Variants in SPECC1 observed in about 807,000 individuals in gnomAD.
SPECC1 encodes cytospin-B.
SPECC1 carries 62 observed loss-of-function variants against 104.1 expected under a neutral mutation model. The ratio of observed to expected loss-of-function variants is 0.60; its 90% confidence interval spans 0.49 to 0.74. The LOEUF (loss-of-function observed/expected upper bound fraction) is 0.74. Among genes scored for constraint, SPECC1 ranks in the 30% least tolerant of loss-of-function variants. SPECC1 has a pLI of 0.00. For synonymous variants in SPECC1, 513 were observed against 501.6 expected, an observed-to-expected ratio of 1.02 and a Z score of -0.30; for missense variants, 1,306 against 1,310.5, an observed-to-expected ratio of 1.00 and a Z score of 0.05.
At chr17:20,209,540 T>C (rs577681189) in intron 4 of SPECC1, among the ~76,000 whole-genome samples, 1 of 122,162 alleles carries the variant, frequency 8.2e-6, no homozygotes, top group African/African-American at 3.7e-5. Flanking sequence ...CTACACTATC[T>C]TGTAGGCTTT....
At chr17:20,186,417 T>TG (rs1368108304) in intron 3 of SPECC1, among the ~76,000 whole-genome samples, 6 of 152,238 alleles carry the variant, frequency 3.9e-5, no homozygotes, top group Admixed American at 3.9e-4. Context: ...CTGATAGACT[T>TG]GCTCGATGCA....
intron 3 of SPECC1, among the ~76,000 whole-genome samples, chr17:20,170,670 T>C (rs1318575514): frequency 1.3e-5 from 2 of 152,156 alleles, no homozygotes; most frequent in Admixed American, 6.5e-5. Context: ...TCATTCTTTC[T>C]CTGTTATTTT....
At chr17:20,200,353 A>T (rs1236195026) in intron 3 of SPECC1, among the ~76,000 whole-genome samples, 1 of 152,198 alleles carries the variant, frequency 6.6e-6, no homozygotes, top group Non-Finnish European at 1.5e-5. Flanking sequence ...ATTGGCATTT[A>T]AAAAATGTCA....
intron 1 of SPECC1, among the ~76,000 whole-genome samples, chr17:20,012,325 C>T (rs115268693): frequency 3.4e-3 from 520 of 151,942 alleles, no homozygotes; most frequent in African/African-American, 0.012. Context: ...CTCTGTTTGA[C>T]CTGTTGATAT....
At chr17:20,075,963 A>G (rs1485475377) in intron 1 of SPECC1, among the ~76,000 whole-genome samples, 1 of 152,046 alleles carries the variant, frequency 6.6e-6, no homozygotes, top group Non-Finnish European at 1.5e-5. Flanking sequence ...CTAAAAATTA[A>G]AATAAGTAAA....
chr17:20,277,321 T>C (rs928099971), intron 12 of SPECC1, among the ~76,000 whole-genome samples: 6 of 152,180 alleles, frequency 3.9e-5, no homozygotes, highest in Non-Finnish European at 8.8e-5. Flanking sequence ...CTGGAAACTC[T>C]CCAACCTAAT....
chr17:20,170,526 AG>A (rs995767126), intron 3 of SPECC1, among the ~76,000 whole-genome samples: 1 of 152,288 alleles, frequency 6.6e-6, no homozygotes, highest in East Asian at 1.9e-4. Context: ...TGGAACTCCC[AG>A]GGGGGTGCAG....
chr17:20,064,486 A>T (rs2046295960), intron 1 of SPECC1, among the ~76,000 whole-genome samples: 1 of 152,194 alleles, frequency 6.6e-6, no homozygotes, highest in African/African-American at 2.4e-5. Flanking sequence ...ACAGCCTGGG[A>T]GGGAAGCACA....
chr17:20,193,421 C>T (rs2035804075), intron 3 of SPECC1, among the ~76,000 whole-genome samples: 1 of 152,156 alleles, frequency 6.6e-6, no homozygotes, highest in African/African-American at 2.4e-5. Flanking sequence ...CTGACATTTC[C>T]CCCCTCCCTT....
chr17:20,231,217 C>T (rs2038553129), intron 5 of SPECC1, among the ~76,000 whole-genome samples: 1 of 152,184 alleles, frequency 6.6e-6, no homozygotes, highest in Non-Finnish European at 1.5e-5. Context: ...GATTCTGCCT[C>T]CAGGTGTCTG....
chr17:20,190,007 G>A (rs2035553263), intron 3 of SPECC1, among the ~76,000 whole-genome samples: 1 of 151,908 alleles, frequency 6.6e-6, no homozygotes, highest in Non-Finnish European at 1.5e-5. Context: ...CATTTGATTT[G>A]CAAAGACAAT....
At chr17:20,086,622 T>C (rs1307312141) in intron 1 of SPECC1, among the ~76,000 whole-genome samples, 2 of 152,142 alleles carry the variant, frequency 1.3e-5, no homozygotes, top group Admixed American at 1.3e-4. Flanking sequence ...GGCTCCTCCT[T>C]GATTTTATCT....
intron 1 of SPECC1, among the ~76,000 whole-genome samples, chr17:20,093,235 C>T (rs1400760929): frequency 1.3e-5 from 2 of 152,184 alleles, no homozygotes; most frequent in Admixed American, 6.5e-5. Flanking sequence ...CTGTCTGGTT[C>T]ATAGATGGAG....
At chr17:20,265,739 A>C (rs1213861333) in intron 12 of SPECC1, among the ~76,000 whole-genome samples, 1 of 152,220 alleles carries the variant, frequency 6.6e-6, no homozygotes, top group East Asian at 1.9e-4. Flanking sequence ...TTATATTTAA[A>C]TCTGTAATCC....
At chr17:20,130,999 G>A (rs1467639763) in intron 3 of SPECC1, among the ~76,000 whole-genome samples, 2 of 152,166 alleles carry the variant, frequency 1.3e-5, no homozygotes, top group Non-Finnish European at 2.9e-5. Flanking sequence ...AAATGATACT[G>A]TATTTTTAAT....
At chr17:20,012,575 A>G (rs1367413647) in intron 1 of SPECC1, among the ~76,000 whole-genome samples, 2 of 150,956 alleles carry the variant, frequency 1.3e-5, no homozygotes, top group East Asian at 3.9e-4. Flanking sequence ...GTTAGCATTT[A>G]TATGGAATAT....
At chr17:20,262,750 C>A (rs1312825548) in intron 12 of SPECC1, among the ~76,000 whole-genome samples, 2 of 152,128 alleles carry the variant, frequency 1.3e-5, no homozygotes. Context: ...CAAGATCCAT[C>A]CCAGATAGTA....
chr17:20,009,547 GC>G lies in SPECC1; in HGVS notation c.-22+125del, dbSNP rs1311665615. The stretch of plus-strand genomic sequence containing the variant: ...CAGTCCGTCGTGGGGGCACGGGACT[GC>G]CTTTCTGGGAAGGCGTGCTGCGTCT... On this transcript the variant is annotated intron_variant, in intron 1 of 14. Transcript: ENST00000395527. The surrounding 1 kb of genome is among the most constrained non-coding windows in gnomAD (Gnocchi z 5.2). 1 of 152,402 alleles carries G rather than the reference GC, an allele frequency of 6.6e-6. No homozygotes were observed. Among genetic ancestry groups the G allele is most frequent in the Admixed American group, 6.5e-5 (1 of 15,278 alleles). 9.4% of individuals were successfully genotyped at this position (152,402 alleles called of 1,614,324 possible).
chr17:20,235,821 G>A (rs2038876950), intron 7 of SPECC1, among the ~76,000 whole-genome samples: 1 of 152,232 alleles, frequency 6.6e-6, no homozygotes, highest in Admixed American at 6.5e-5. Flanking sequence ...TAGAATGTCT[G>A]TGATTCGAAT....
Sources: allele counts gnomAD v4.1 joint callset (sites outside exome capture counted in the v4.1 genomes callset), GRCh38; gene constraint gnomAD v4.1.1; non-coding constraint Gnocchi (gnomAD v3.1); transcripts MANE v1.5; gene names NCBI Gene and HGNC (gene_info 2026-07-23, HGNC 2026-07-21).